Variants in RBMS3 observed in about 807,000 individuals in gnomAD.
RBMS3 encodes RNA-binding motif, single-stranded-interacting protein 3.
Under a neutral mutation model 66.8 loss-of-function variants are expected in RBMS3, and 27 were observed. That is an observed-to-expected ratio of 0.40 (90% CI 0.30 to 0.56). The LOEUF is 0.56. RBMS3 is among the 20% of genes least tolerant of loss of function. RBMS3 has a pLI of 0.40. For missense variants in RBMS3, 513 were observed against 549.5 expected (o/e 0.93, Z 0.66); for synonymous variants, 188 against 183.0 (o/e 1.03, Z -0.22).
intron 2 of RBMS3, among the ~76,000 whole-genome samples, chr3:29,452,580 A>G (rs2125763196): frequency 6.6e-6 from 1 of 152,316 alleles, no homozygotes; most frequent in East Asian, 1.9e-4. Flanking sequence ...TGTTTGGTAT[A>G]TTTTGCGAAA....
chr3:29,389,374 G>T (rs971701951), intron 1 of RBMS3, among the ~76,000 whole-genome samples: 2 of 152,268 alleles, frequency 1.3e-5, no homozygotes, highest in East Asian at 3.9e-4. Flanking sequence ...GCAGAAGTGC[G>T]CTTGGCTTCT....
chr3:29,371,762 T>C (rs959302225), intron 1 of RBMS3, among the ~76,000 whole-genome samples: 1 of 152,128 alleles, frequency 6.6e-6, no homozygotes, highest in African/African-American at 2.4e-5. Flanking sequence ...AGAGTAAAGA[T>C]AGATATGATA....
chr3:29,484,435 C>G (rs1489183956), intron 2 of RBMS3, among the ~76,000 whole-genome samples: 1 of 152,146 alleles, frequency 6.6e-6, no homozygotes, highest in Non-Finnish European at 1.5e-5. Context: ...GTGCCTGTCT[C>G]TGCTTATAAG....
At chr3:29,494,677 A>G (rs186084540) in intron 3 of RBMS3, among the ~76,000 whole-genome samples, 90 of 152,338 alleles carry the variant, frequency 5.9e-4, no homozygotes, top group African/African-American at 2.1e-3. Flanking sequence ...TTGCTAAATT[A>G]AAAAGTCAGG....
At chr3:29,736,605 A>G (rs1314841347) in intron 4 of RBMS3, among the ~76,000 whole-genome samples, 2 of 152,152 alleles carry the variant, frequency 1.3e-5, no homozygotes, top group Admixed American at 6.5e-5. Context: ...TAGGACTGTC[A>G]TGTGCTGTGG....
chr3:29,522,516 G>A (rs1042492165), intron 3 of RBMS3, among the ~76,000 whole-genome samples: 1 of 152,094 alleles, frequency 6.6e-6, no homozygotes. Flanking sequence ...TCGAGGGATA[G>A]TGGAAGGAAG....
chr3:29,933,085 C>G (rs973764785), intron 10 of RBMS3, among the ~76,000 whole-genome samples: 1 of 152,180 alleles, frequency 6.6e-6, no homozygotes, highest in African/African-American at 2.4e-5. Context: ...TCTGTTTCTT[C>G]TTGCTTTGCC....
At position 30,009,210 on chromosome 3, in the gene RBMS3, AT is replaced by A. The variant is rs1478219180; in HGVS notation, c.*5353del. On this transcript the variant is annotated 3_prime_UTR_variant, in exon 15 of 15. Coordinates refer to ENST00000383767, the MANE Select transcript of RBMS3 (RefSeq NM_001003793.3). ...TTGTGCATAAATACAATCACTCTCA[AT>A]TTTTGAAGGGCTAATTATCTACTTT... 1 of 151,962 alleles carries A rather than the reference AT, an allele frequency of 6.6e-6. No individual in the cohort carries two copies. Among genetic ancestry groups the A allele is most frequent in the Non-Finnish European group, 1.5e-5 (1 of 67,958 alleles). The allele number at this position is 151,962 out of a possible 1,614,324, so 9.4% of individuals were successfully genotyped here.
chr3:29,478,427 T>C (rs2043022188), intron 2 of RBMS3, among the ~76,000 whole-genome samples: 1 of 152,130 alleles, frequency 6.6e-6, no homozygotes. Flanking sequence ...TGCTGGGCCC[T>C]CTTTCGTAAG....
intron 1 of RBMS3, among the ~76,000 whole-genome samples, chr3:29,304,326 T>C (rs771304755): frequency 5.3e-5 from 8 of 151,970 alleles, no homozygotes; most frequent in Non-Finnish European, 1.2e-4. Flanking sequence ...TAATTATATT[T>C]ATGCTATATA....
chr3:29,754,847 A>G (rs958585825), intron 5 of RBMS3, among the ~76,000 whole-genome samples: 6 of 152,212 alleles, frequency 3.9e-5, no homozygotes, highest in African/African-American at 1.4e-4. Flanking sequence ...AAATGCTAGG[A>G]ATATGAAGAT....
intron 7 of RBMS3, among the ~76,000 whole-genome samples, chr3:29,871,842 G>T (rs1274575860): frequency 2.0e-5 from 3 of 152,078 alleles, no homozygotes; most frequent in African/African-American, 7.2e-5. Context: ...ACTGTTTAAA[G>T]CTGTTTTTTC....
intron 3 of RBMS3, among the ~76,000 whole-genome samples, chr3:29,518,835 T>G (rs2044741392): frequency 6.6e-6 from 1 of 152,128 alleles, no homozygotes; most frequent in South Asian, 2.1e-4. Flanking sequence ...AAGAATTAAT[T>G]ATGATGTTCA....
chr3:29,888,927 C>T (rs2059935298), intron 8 of RBMS3, among the ~76,000 whole-genome samples: 1 of 151,764 alleles, frequency 6.6e-6, no homozygotes, highest in South Asian at 2.1e-4. Flanking sequence ...CCTACCTACA[C>T]TAAGCTTTTT....
At chr3:29,538,429 G>A (rs2045648635) in intron 3 of RBMS3, among the ~76,000 whole-genome samples, 1 of 152,128 alleles carries the variant, frequency 6.6e-6, no homozygotes, top group South Asian at 2.1e-4. Flanking sequence ...GAAGTTTCCT[G>A]GCAACCCAAA....
intron 1 of RBMS3, among the ~76,000 whole-genome samples, chr3:29,389,742 G>C (rs1345919208): frequency 6.6e-6 from 1 of 152,166 alleles, no homozygotes. Context: ...ATAATCCCCA[G>C]ACTGCTTGAG....
At chr3:29,648,982 A>T (rs1490988537) in intron 4 of RBMS3, among the ~76,000 whole-genome samples, 1 of 152,186 alleles carries the variant, frequency 6.6e-6, no homozygotes, top group African/African-American at 2.4e-5. Flanking sequence ...TTGGGGATAA[A>T]GAAGGCGCCC....
chr3:29,404,217 C>G (rs1310173924), intron 1 of RBMS3, among the ~76,000 whole-genome samples: 1 of 152,124 alleles, frequency 6.6e-6, no homozygotes, highest in South Asian at 2.1e-4. Context: ...ATTGATCTTA[C>G]TGCAGACTGG....
At chr3:29,752,484 C>G (rs2055227564) in intron 5 of RBMS3, among the ~76,000 whole-genome samples, 1 of 152,186 alleles carries the variant, frequency 6.6e-6, no homozygotes, top group Non-Finnish European at 1.5e-5. Flanking sequence ...CCCAGTATTT[C>G]CCTGCCTCCT....
Sources: allele counts gnomAD v4.1 joint callset (sites outside exome capture counted in the v4.1 genomes callset), GRCh38; gene constraint gnomAD v4.1.1; transcripts MANE v1.5; gene names NCBI Gene and HGNC (gene_info 2026-07-23, HGNC 2026-07-21).